The following GMDS variants were observed in gnomAD, a reference collection of about 807,000 sequenced individuals.
The protein encoded by GMDS is GDP-mannose 4,6-dehydratase.
A neutral mutation model predicts 49.9 loss-of-function variants in GMDS; 20 were observed. That is an observed-to-expected ratio of 0.40 (90% CI 0.28 to 0.58). GMDS has a LOEUF of 0.58. GMDS is among the 20% of genes least tolerant of loss of function. GMDS has a pLI of 0.42. For missense variants in GMDS, 362 were observed against 481.4 expected (o/e 0.75, Z 2.32); for synonymous variants, 177 against 178.6 (o/e 0.99, Z 0.07).
chr6:1,930,259 G>C, intron 6 of GMDS, 29 bp from the exon 7 acceptor site: 2 of 1,602,448 alleles, frequency 1.2e-6, no homozygotes, highest in Non-Finnish European at 1.7e-6. Context: ...TGTAGTATCA[G>C]TCAAGTGCAC....
chr6:1,914,444 G>C (rs1327195759), intron 7 of GMDS, among the ~76,000 whole-genome samples: 3 of 148,492 alleles, frequency 2.0e-5, no homozygotes, highest in Non-Finnish European at 4.4e-5. Flanking sequence ...TCCAGCCTGG[G>C]CAACAGAGCA....
At chr6:2,197,757 C>T (rs234943) in intron 1 of GMDS, among the ~76,000 whole-genome samples, 6,157 of 152,224 alleles carry the variant, frequency 0.04, 255 homozygotes, top group South Asian at 0.13. Context: ...AGGACACAGC[C>T]GCCTTGTGAG....
chr6:1,810,246 G>A (rs536935974), intron 7 of GMDS, among the ~76,000 whole-genome samples: 1 of 152,282 alleles, frequency 6.6e-6, no homozygotes, highest in Non-Finnish European at 1.5e-5. Flanking sequence ...AGCTGGATAG[G>A]TGGGCAGGAC....
Position 1,916,355 on chromosome 6 carries a change from T to C in GMDS, c.771+13748A>G, listed in dbSNP as rs571746684. On this transcript the variant is annotated intron_variant, in intron 7 of 10. Coordinates refer to ENST00000380815, the MANE Select transcript of GMDS (RefSeq NM_001500.4). ...ACGTGCGGGGGTGGGGGGCTGTTCATACTCAAGATGCCATTAGCGCAGATT... is the reference window on the plus strand; with the variant it reads ...ACGTGCGGGGGTGGGGGGCTGTTCACACTCAAGATGCCATTAGCGCAGATT... Among the ~76,000 whole-genome samples the C allele has an allele frequency of 9.2e-5, 14 of 152,106 alleles. No individual in the cohort carries two copies. The East Asian group carries it at 2.5e-3, about 27-fold the overall frequency.
chr6:1,824,530 C>T (rs1771031270), intron 7 of GMDS, among the ~76,000 whole-genome samples: 1 of 152,130 alleles, frequency 6.6e-6, no homozygotes, highest in African/African-American at 2.4e-5. Context: ...CAAATGCCCA[C>T]CTCTCACAAT....
intron 7 of GMDS, among the ~76,000 whole-genome samples, chr6:1,904,178 C>T (rs1294808025): frequency 6.6e-6 from 1 of 152,114 alleles, no homozygotes. Context: ...TTTTAAAACC[C>T]TAAGATTTAA....
intron 7 of GMDS, among the ~76,000 whole-genome samples, chr6:1,869,517 T>TG: frequency 6.6e-6 from 1 of 152,194 alleles, no homozygotes; most frequent in Admixed American, 6.5e-5. Flanking sequence ...TGTCAAGGTC[T>TG]AGCTCCTGGT....
chr6:2,046,721 AGTGT>A (rs59438273), intron 4 of GMDS, among the ~76,000 whole-genome samples: 3,667 of 152,268 alleles, frequency 0.024, 147 homozygotes, highest in African/African-American at 0.082. Flanking sequence ...CTGGCCTCCC[AGTGT>A]GCTGGGATTA....
intron 1 of GMDS, among the ~76,000 whole-genome samples, chr6:2,176,928 C>A (rs754292842): frequency 1.3e-5 from 2 of 152,142 alleles, no homozygotes; most frequent in South Asian, 4.1e-4. Context: ...GGAAAGCAAC[C>A]TAAGCAGGCA....
intron 4 of GMDS, among the ~76,000 whole-genome samples, chr6:2,045,803 G>A (rs949187061): frequency 6.6e-6 from 1 of 152,066 alleles, no homozygotes; most frequent in African/African-American, 2.4e-5. Flanking sequence ...ATTTTACTAT[G>A]AGCTTAATTT....
At chr6:1,931,969 T>A (rs931725831) in intron 6 of GMDS, among the ~76,000 whole-genome samples, 2 of 152,122 alleles carry the variant, frequency 1.3e-5, no homozygotes, top group East Asian at 1.9e-4. Flanking sequence ...GAGGGTCAGG[T>A]GGGCCAATAA....
chr6:1,785,011 A>G lies in GMDS; in HGVS notation c.772-42425T>C, dbSNP rs114872047. Reference sequence around the variant, plus strand: ...TTCTGATGCAGAAACAATCTGTGCTATAACAAATTTTTCTCAAAGAAAGGA... The same window carrying G: ...TTCTGATGCAGAAACAATCTGTGCTGTAACAAATTTTTCTCAAAGAAAGGA... On this transcript the variant is annotated intron_variant, in intron 7 of 10. Coordinates refer to ENST00000380815, the MANE Select transcript of GMDS (RefSeq NM_001500.4). Among the ~76,000 whole-genome samples, 1,452 of 152,344 alleles carry G rather than the reference A, an allele frequency of 9.5e-3. 13 individuals are homozygous for G. The highest frequency in any genetic ancestry group is 0.033 in the African/African-American group (1,365 of 41,576).
chr6:1,765,762 G>C (rs1768326221), intron 7 of GMDS, among the ~76,000 whole-genome samples: 1 of 152,170 alleles, frequency 6.6e-6, no homozygotes, highest in Non-Finnish European at 1.5e-5. Context: ...CATGTCCTGT[G>C]CCAGATTCTC....
chr6:2,055,856 T>C (rs955744738), intron 4 of GMDS, among the ~76,000 whole-genome samples: 2 of 152,152 alleles, frequency 1.3e-5, no homozygotes, highest in Admixed American at 1.3e-4. Context: ...TGATTCCTGT[T>C]ATGAAGATTA....
At chr6:1,724,801 C>T (rs560217744) in intron 9 of GMDS, among the ~76,000 whole-genome samples, 3 of 152,310 alleles carry the variant, frequency 2.0e-5, no homozygotes, top group Admixed American at 6.5e-5. Flanking sequence ...AGGGCCAGTA[C>T]ACATCCTCTC....
chr6:1,959,708 G>T (rs1763833122), intron 6 of GMDS, 159 bp downstream of exon 6: 2 of 409,138 alleles, frequency 4.9e-6, no homozygotes, highest in Non-Finnish European at 8.8e-6. Context: ...AAAAACTAAG[G>T]CTGGGTATAC....
intron 4 of GMDS, among the ~76,000 whole-genome samples, chr6:2,009,673 T>G (rs1219224030): frequency 2.6e-5 from 4 of 151,808 alleles, no homozygotes; most frequent in African/African-American, 9.7e-5. Flanking sequence ...ACCCAAAACA[T>G]CAGGAACAAA....
At chr6:2,220,293 C>T (rs1780526035) in intron 1 of GMDS, among the ~76,000 whole-genome samples, 1 of 152,194 alleles carries the variant, frequency 6.6e-6, no homozygotes, top group Admixed American at 6.5e-5. Flanking sequence ...TTAGTCAACA[C>T]AAGGCCTCAC....
chr6:1,833,370 A>G lies in GMDS; in HGVS notation c.772-90784T>C, dbSNP rs1756767826. Among the ~76,000 whole-genome samples the G allele has an allele frequency of 6.6e-6, 1 of 152,016 alleles. No homozygotes were observed. The highest frequency in any genetic ancestry group is 1.5e-5 in the Non-Finnish European group (1 of 68,010). Reference sequence around the variant, plus strand: ...CATCTCGGAGGTGTCAGGATAAAACATGAGAACAGCATCTGTCCTCAGAGA... The same window carrying G: ...CATCTCGGAGGTGTCAGGATAAAACGTGAGAACAGCATCTGTCCTCAGAGA... On this transcript the variant is annotated intron_variant, in intron 7 of 10. Transcript: ENST00000380815. The surrounding 1 kb of genome is among the most constrained non-coding windows in gnomAD (Gnocchi z 4.4).
Sources: gnomAD v4.1 joint callset for allele counts (sites outside exome capture counted in the v4.1 genomes callset) on GRCh38, gnomAD v4.1.1 for gene constraint, Gnocchi (gnomAD v3.1) non-coding constraint, MANE v1.5 for transcripts, NCBI Gene and HGNC (gene_info 2026-07-23, HGNC 2026-07-21) for gene names.